Variants in GALNTL6 observed in about 807,000 individuals in gnomAD.
GALNTL6 encodes the protein polypeptide N-acetylgalactosaminyltransferase-like 6.
GALNTL6 carries 46 observed loss-of-function variants against 73.7 expected under a neutral mutation model. The ratio of observed to expected loss-of-function variants is 0.62; its 90% confidence interval spans 0.49 to 0.80. The LOEUF is 0.80. Ranked by LOEUF, GALNTL6 falls within the 30% of genes least tolerant of loss-of-function variation. GALNTL6 has a pLI of 0.00. For synonymous variants in GALNTL6, 259 were observed against 263.7 expected (o/e 0.98, Z 0.17); for missense variants, 604 against 755.0 (o/e 0.80, Z 2.34).
intron 10 of GALNTL6, among the ~76,000 whole-genome samples, chr4:173,003,274 A>G (rs1483875222): frequency 6.6e-6 from 1 of 152,146 alleles, no homozygotes; most frequent in East Asian, 1.9e-4. Flanking sequence ...ATTGAGGGGT[A>G]GGGAGGTGGG....
intron 2 of GALNTL6, among the ~76,000 whole-genome samples, chr4:171,916,171 T>A (rs1310299738): frequency 6.6e-6 from 1 of 152,082 alleles, no homozygotes; most frequent in Non-Finnish European, 1.5e-5. Flanking sequence ...GAGATAGATA[T>A]GATATTGTGA....
chr4:172,552,697 C>T (rs577883079), intron 5 of GALNTL6, among the ~76,000 whole-genome samples: 68 of 149,572 alleles, frequency 4.5e-4, no homozygotes, highest in African/African-American at 1.5e-3. Context: ...TAAAAACTTA[C>T]GTGTGAGAGT....
intron 2 of GALNTL6, among the ~76,000 whole-genome samples, chr4:172,077,040 C>T (rs569293472): frequency 2.0e-5 from 3 of 152,304 alleles, no homozygotes; most frequent in South Asian, 2.1e-4. Flanking sequence ...TTGCCTTCTG[C>T]CATGATTGTA....
chr4:172,208,542 G>A (rs1241396694), intron 2 of GALNTL6, among the ~76,000 whole-genome samples: 1 of 152,134 alleles, frequency 6.6e-6, no homozygotes, highest in African/African-American at 2.4e-5. Context: ...TTTCTAAAGA[G>A]CATGAATGAG....
At chr4:172,373,633 G>A (rs1450244689) in intron 5 of GALNTL6, among the ~76,000 whole-genome samples, 1 of 152,062 alleles carries the variant, frequency 6.6e-6, no homozygotes, top group African/African-American at 2.4e-5. Flanking sequence ...AGACTTCAGG[G>A]TTGATTCCCT....
At chr4:172,867,515 C>G (rs1261145987) in intron 7 of GALNTL6, among the ~76,000 whole-genome samples, 1 of 152,200 alleles carries the variant, frequency 6.6e-6, no homozygotes, top group Non-Finnish European at 1.5e-5. Context: ...GCTTCCTAAA[C>G]AGCAGTAAAG....
At chr4:172,685,967 T>C (rs1732893666) in intron 5 of GALNTL6, among the ~76,000 whole-genome samples, 1 of 152,216 alleles carries the variant, frequency 6.6e-6, no homozygotes, top group Non-Finnish European at 1.5e-5. Flanking sequence ...AGGATAACCT[T>C]GCTTAGGTTT....
intron 5 of GALNTL6, among the ~76,000 whole-genome samples, chr4:172,518,181 G>C (rs1734668423): frequency 6.6e-6 from 1 of 151,778 alleles, no homozygotes; most frequent in Non-Finnish European, 1.5e-5. Flanking sequence ...TGAAGTCTTA[G>C]AGAAATAATG....
intron 5 of GALNTL6, among the ~76,000 whole-genome samples, chr4:172,582,041 G>C (rs888229499): frequency 6.6e-6 from 1 of 152,138 alleles, no homozygotes; most frequent in African/African-American, 2.4e-5. Context: ...GAGTCTGATG[G>C]TTTGGTAACA....
At chr4:172,880,725 T>G (rs771332686) in intron 7 of GALNTL6, among the ~76,000 whole-genome samples, 1 of 152,130 alleles carries the variant, frequency 6.6e-6, no homozygotes, top group Admixed American at 6.6e-5. Context: ...AAATAAAAAG[T>G]TTATTTCTTA....
chr4:172,250,314 T>C lies in GALNTL6; in HGVS notation c.247+20550T>C, dbSNP rs545946263. ...GAAGTAATTAACTTGCTTTTCATTT[T>C]GTAGGCTCATAGGCAGAAGGGACTT... On this transcript the variant is annotated intron_variant, in intron 3 of 12. Transcript: ENST00000506823. Among the ~76,000 whole-genome samples the C allele has an allele frequency of 3.3e-5, 5 of 152,232 alleles. No individual in the cohort carries two copies. In the South Asian group the frequency reaches 8.3e-4, roughly 25 times the overall value.
intron 5 of GALNTL6, among the ~76,000 whole-genome samples, chr4:172,370,229 C>T (rs2111256653): frequency 6.6e-6 from 1 of 152,216 alleles, no homozygotes; most frequent in South Asian, 2.1e-4. Flanking sequence ...ATTTGGGGTT[C>T]CATTTGTAAG....
chr4:172,681,305 T>C (rs1732620357), intron 5 of GALNTL6, among the ~76,000 whole-genome samples: 1 of 152,096 alleles, frequency 6.6e-6, no homozygotes, highest in South Asian at 2.1e-4. Context: ...AATCACATTT[T>C]ATTGATTTAA....
chr4:171,987,703 G>A (rs1740147100), intron 2 of GALNTL6, among the ~76,000 whole-genome samples: 1 of 152,302 alleles, frequency 6.6e-6, no homozygotes, highest in South Asian at 2.1e-4. Context: ...GAGGTTCTAA[G>A]AGGCGGGCTA....
At chr4:172,923,217 C>T (rs150768177) in intron 8 of GALNTL6, among the ~76,000 whole-genome samples, 87 of 152,094 alleles carry the variant, frequency 5.7e-4, no homozygotes, top group South Asian at 2.1e-4. Context: ...AATGGACTTA[C>T]GGTTCTACAC....
At position 172,694,159 on chromosome 4, in the gene GALNTL6, G is replaced by T. The variant is rs556558979; in HGVS notation, c.554-115202G>T. The stretch of plus-strand genomic sequence containing the variant: ...TTTTCTTTTATTCTTTAAGTTCTGG[G>T]ATACATGTGCAGAATGTGCAGATTT... On this transcript the variant is annotated intron_variant, in intron 5 of 12. Coordinates refer to ENST00000506823, the MANE Select transcript of GALNTL6 (RefSeq NM_001034845.3). Among the ~76,000 whole-genome samples, 10 of 151,700 alleles carry T rather than the reference G, an allele frequency of 6.6e-5. No individual in the cohort carries two copies. The East Asian group carries it at 1.2e-3, about 18-fold the overall frequency.
chr4:172,185,016 A>G (rs1323211619), intron 2 of GALNTL6, among the ~76,000 whole-genome samples: 1 of 152,212 alleles, frequency 6.6e-6, no homozygotes, highest in Non-Finnish European at 1.5e-5. Flanking sequence ...GGGCAGACAC[A>G]TTCAAACCAT....
chr4:172,333,926 C>A (rs1741220327), intron 4 of GALNTL6, among the ~76,000 whole-genome samples: 2 of 152,172 alleles, frequency 1.3e-5, no homozygotes, highest in Non-Finnish European at 2.9e-5. Flanking sequence ...TTTCCCAGCA[C>A]CATTTATTGA....
intron 2 of GALNTL6, among the ~76,000 whole-genome samples, chr4:171,926,851 C>T (rs1737998432): frequency 6.6e-6 from 1 of 152,016 alleles, no homozygotes; most frequent in South Asian, 2.1e-4. Flanking sequence ...TGGATACTAA[C>T]TCTTCGTTAG....
Sources: allele counts gnomAD v4.1 joint callset (sites outside exome capture counted in the v4.1 genomes callset), GRCh38; gene constraint gnomAD v4.1.1; transcripts MANE v1.5; gene names NCBI Gene and HGNC (gene_info 2026-07-23, HGNC 2026-07-21).